ECT2: variants seen among roughly 807,000 people sequenced by gnomAD.
The protein encoded by ECT2 is protein ECT2.
ECT2 carries 61 observed loss-of-function variants against 116.9 expected under a neutral mutation model. That is an observed-to-expected ratio of 0.52 (90% confidence interval 0.42 to 0.65). The LOEUF is 0.65. ECT2 is among the 30% of genes least tolerant of loss of function. The pLI is 0.00. For missense variants in ECT2, 937 were observed against 1,078.7 expected (o/e 0.87, Z 1.84); for synonymous variants, 358 against 346.4 (o/e 1.03, Z -0.37).
rs1226614497 is a variant in ECT2, at chr3:172,815,711, GGT to G, written c.2508+2_2508+3del. 1 of 1,575,038 alleles carries G rather than the reference GGT, an allele frequency of 6.3e-7. No homozygotes were observed. The highest frequency in any genetic ancestry group is 1.4e-5 in the African/African-American group (1 of 73,468). The stretch of plus-strand genomic sequence containing the variant: ...GAGCAATAAAAAAGACTTCAAAAAA[GGT>G]GAGTTTTAGTGAAAGTATTATTTAG... On this transcript the variant is annotated splice_donor_variant, in intron 23 of 24. Transcript: ENST00000392692. LOFTEE classifies it high-confidence loss of function.
chr3:172,818,569 A>G (rs1461423089), intron 24 of ECT2: 2 of 1,281,740 alleles, frequency 1.6e-6, no homozygotes, highest in Non-Finnish European at 2.0e-6. Context: ...TGTTTCCACA[A>G]GCAATGTAAT....
intron 20 of ECT2, among the ~76,000 whole-genome samples, chr3:172,804,620 G>A (rs1205825093): frequency 6.6e-6 from 1 of 152,104 alleles, no homozygotes; most frequent in African/African-American, 2.4e-5. Context: ...GCTTTTATAG[G>A]TTTTTCCTGT....
intron 9 of ECT2, 28 bp from the exon 10 acceptor site, chr3:172,762,663 A>T (rs80293636): frequency 2.5e-6 from 4 of 1,588,848 alleles, no homozygotes; most frequent in Non-Finnish European, 3.4e-6. Context: ...AGCTTGGCTT[A>T]TTTATGCTTA....
In ECT2 at chr3:172,762,992, C is replaced by A; in HGVS notation, c.1068+20C>A. 6.2e-7 allele frequency: 1 copy of A among 1,610,526 alleles called. No homozygotes were observed. Among genetic ancestry groups the A allele is most frequent in the South Asian group, 1.1e-5 (1 of 90,736 alleles). On this transcript the variant is annotated intron_variant, in intron 11 of 24. Coordinates refer to ENST00000392692, the MANE Select transcript of ECT2 (RefSeq NM_001258315.2). ...GAAAAGGTATGCTTTTAACCCCTTA[C>A]TTATTTGTTCTGTGAGCTTGATTGT...
intron 3 of ECT2, 22 bp downstream of exon 3, chr3:172,755,396 T>G: frequency 6.4e-7 from 1 of 1,571,488 alleles, no homozygotes; most frequent in Non-Finnish European, 8.6e-7. Context: ...TAGGTTTTAG[T>G]TTTTTTTGTA....
At chr3:172,805,626 A>G (rs1727538392) in intron 20 of ECT2, 105 bp from the exon 21 acceptor site, 12 of 1,100,654 alleles carry the variant, frequency 1.1e-5, no homozygotes, top group Non-Finnish European at 1.4e-5. Flanking sequence ...TAATAACTAA[A>G]TAAGTTATAT....
Position 172,762,523 on chromosome 3 carries a change from T to C in ECT2, c.866T>C (p.Met289Thr). 6.3e-7 allele frequency: 1 copy of C among 1,593,876 alleles called. No homozygotes were observed. The highest frequency in any genetic ancestry group is 8.5e-7 in the Non-Finnish European group (1 of 1,175,294). ...TTTTCAGATGAAGAGAAAACCAATA[T>C]GGAAGAAATGACTGAAATGCAAGGT... ...LGFSDEEKTN[M>T]EEMTEMQGGK... The change falls in exon 9 of 25, where the codon ATG (methionine) becomes ACG (threonine). Residue 289 changes from methionine (M) to threonine (T), a missense_variant. Physicochemically the swap from Met to Thr is moderately conservative, Grantham distance 81 (BLOSUM62 -1). Transcript: ENST00000392692.
chr3:172,815,611 T>C lies in ECT2; in HGVS notation c.2408T>C (p.Leu803Pro). Residue 803 changes from leucine (L) to proline (P), a missense_variant, in exon 23 of 25, where the codon CTT becomes CCT. By Grantham distance (98) the Leu-to-Pro change is moderately conservative. Coordinates refer to ENST00000392692, the MANE Select transcript of ECT2 (RefSeq NM_001258315.2). ...AGTATTATTTTTCAATAGGAGAATC[T>C]TATTTATACTGCTGATCCAGAATCC... ...NTICKADAEN[L>P]IYTADPESFE... 1.9e-6 allele frequency: 3 copies of C among 1,566,846 alleles called. No individual in the cohort carries two copies. Among genetic ancestry groups the C allele is most frequent in the Non-Finnish European group, 2.6e-6 (3 of 1,153,384 alleles).
At chr3:172,759,914 GTTGT>G (rs1463026712) in intron 6 of ECT2, among the ~76,000 whole-genome samples, 8 of 152,164 alleles carry the variant, frequency 5.3e-5, no homozygotes, top group Non-Finnish European at 1.0e-4. Context: ...AGGAAAGGCG[GTTGT>G]TTAACTTACA....
At position 172,762,533 on chromosome 3, in the gene ECT2, G is replaced by A. The variant is rs1193756720; in HGVS notation, c.876G>A (p.Met292Ile). Residue 292 changes from methionine (M) to isoleucine (I), a missense_variant, in exon 9 of 25, where the codon ATG becomes ATA. Coordinates refer to ENST00000392692, the MANE Select transcript of ECT2 (RefSeq NM_001258315.2). Reference protein sequence around the residue: ...SDEEKTNMEEMTEMQGGKYLP... With the variant: ...SDEEKTNMEEITEMQGGKYLP... ...AAGAGAAAACCAATATGGAAGAAAT[G>A]ACTGAAATGCAAGGTAAAATTTAGC... The A allele has an allele frequency of 1.3e-6, 2 of 1,592,050 alleles. No homozygotes were observed. Among genetic ancestry groups the A allele is most frequent in the Middle Eastern group, 1.7e-4 (1 of 5,966 alleles).
At chr3:172,765,002 T>C (rs1162783871) in intron 12 of ECT2, among the ~76,000 whole-genome samples, 2 of 152,234 alleles carry the variant, frequency 1.3e-5, no homozygotes, top group Admixed American at 6.5e-5. Context: ...AAATGTGTTT[T>C]CTAGATTTAA....
chr3:172,754,472 A>G (rs1716559637), intron 1 of ECT2, 37 bp from the exon 2 acceptor site: 3 of 1,440,074 alleles, frequency 2.1e-6, no homozygotes, highest in African/African-American at 1.5e-5. Flanking sequence ...CCCAATGACC[A>G]TGTTTATGTA....
At chr3:172,816,927 C>A in intron 24 of ECT2, 90 bp downstream of exon 24, 1 of 1,105,390 alleles carries the variant, frequency 9.0e-7, no homozygotes, top group Non-Finnish European at 1.2e-6. Context: ...ATATTTCTTC[C>A]ATTTTAAAAA....
Position 172,773,989 on chromosome 3 carries a change from C to G in ECT2, c.1515C>G (p.Ile505Met). ...AGATTAAGACTATTTTTGGTAGCAT[C>G]CCAGATATCTTTGATGTACACACTA... Reference protein sequence around the residue: ...PEEIKTIFGSIPDIFDVHTKI... With the variant: ...PEEIKTIFGSMPDIFDVHTKI... Residue 505 changes from isoleucine (I) to methionine (M), a missense_variant, in exon 14 of 25, where the codon ATC becomes ATG. Physicochemically the swap from Ile to Met is conservative, Grantham distance 10. Transcript: ENST00000392692. The G allele has an allele frequency of 1.2e-6, 2 of 1,612,864 alleles. No individual in the cohort carries two copies. Among genetic ancestry groups the G allele is most frequent in the Non-Finnish European group, 1.7e-6 (2 of 1,178,950 alleles).
downstream of ECT2, among the ~76,000 whole-genome samples, chr3:172,823,797 A>G (rs1730778036): frequency 6.6e-6 from 1 of 152,216 alleles, no homozygotes. Context: ...AGTGGGTCGT[A>G]ATCTTTTCTG....
At chr3:172,754,132 C>T (rs1313451622) in intron 1 of ECT2, among the ~76,000 whole-genome samples, 1 of 151,834 alleles carries the variant, frequency 6.6e-6, no homozygotes, top group Non-Finnish European at 1.5e-5. Flanking sequence ...AGATTTTTGG[C>T]TAGGATTTTT....
At chr3:172,781,635 C>T (rs1576931323) in intron 14 of ECT2, among the ~76,000 whole-genome samples, 1 of 152,086 alleles carries the variant, frequency 6.6e-6, no homozygotes, top group African/African-American at 2.4e-5. Flanking sequence ...TTTAGAATGA[C>T]CATGAAGAAT....
intron 13 of ECT2, among the ~76,000 whole-genome samples, chr3:172,770,487 T>C (rs752907510): frequency 1.3e-5 from 2 of 152,182 alleles, no homozygotes; most frequent in Non-Finnish European, 2.9e-5. Flanking sequence ...CCTAAATTCA[T>C]GATAGTATTC....
intron 4 of ECT2, among the ~76,000 whole-genome samples, chr3:172,755,779 A>G (rs1228834971): frequency 6.6e-6 from 1 of 152,226 alleles, no homozygotes; most frequent in Non-Finnish European, 1.5e-5. Flanking sequence ...CTGTATTTCC[A>G]AAATTATAAA....
Sources: allele counts gnomAD v4.1 joint callset (sites outside exome capture counted in the v4.1 genomes callset), GRCh38; gene constraint gnomAD v4.1.1; transcripts MANE v1.5; gene names NCBI Gene and HGNC (gene_info 2026-07-23, HGNC 2026-07-21).